Variants in GRK3 observed in about 807,000 individuals in gnomAD.
The protein encoded by GRK3 is G protein-coupled receptor kinase 3.
In GRK3, 54 loss-of-function variants were observed where a neutral mutation model predicts 95.7. That is an observed-to-expected ratio of 0.56 (90% CI 0.45 to 0.71). The LOEUF (loss-of-function observed/expected upper bound fraction) is 0.71. GRK3 is among the 30% of genes least tolerant of loss of function. The pLI is 0.00. For missense variants in GRK3, 649 were observed against 851.2 expected (o/e 0.76, Z 2.96); for synonymous variants, 281 against 290.8 (o/e 0.97, Z 0.34).
chr22:25,597,554 T>C (rs1365524786), intron 1 of GRK3, among the ~76,000 whole-genome samples: 1 of 152,102 alleles, frequency 6.6e-6, no homozygotes, highest in Non-Finnish European at 1.5e-5. Context: ...GTGCGCCCCA[T>C]GAATATGTAC....
At chr22:25,581,993 T>TGTTTCA (rs1183715556) in intron 1 of GRK3, among the ~76,000 whole-genome samples, 1 of 152,144 alleles carries the variant, frequency 6.6e-6, no homozygotes, top group Non-Finnish European at 1.5e-5. Flanking sequence ...AATAAATAAG[T>TGTTTCA]GTTTCATGGC....
At chr22:25,620,940 G>T (rs2084580690) in intron 2 of GRK3, among the ~76,000 whole-genome samples, 1 of 152,148 alleles carries the variant, frequency 6.6e-6, no homozygotes, top group African/African-American at 2.4e-5. Flanking sequence ...TATTAAAGAG[G>T]GATTGTAGCC....
intron 2 of GRK3, among the ~76,000 whole-genome samples, chr22:25,621,497 AG>A (rs1237040256): frequency 6.6e-6 from 1 of 152,138 alleles, no homozygotes; most frequent in African/African-American, 2.4e-5. Flanking sequence ...GTAGGCAAAA[AG>A]CTTAAAAACA....
intron 1 of GRK3, among the ~76,000 whole-genome samples, chr22:25,571,774 A>G (rs1931707167): frequency 6.6e-6 from 1 of 152,134 alleles, no homozygotes; most frequent in Non-Finnish European, 1.5e-5. Flanking sequence ...TTGATTGCCC[A>G]GATTTCTCAG....
chr22:25,629,655 A>G (rs941951567), intron 2 of GRK3, among the ~76,000 whole-genome samples: 1 of 152,216 alleles, frequency 6.6e-6, no homozygotes, highest in Non-Finnish European at 1.5e-5. Context: ...GTGCATTTGC[A>G]TGGTAGAGGT....
chr22:25,566,120 T>C (rs1931470849), intron 1 of GRK3, among the ~76,000 whole-genome samples: 1 of 152,222 alleles, frequency 6.6e-6, no homozygotes, highest in African/African-American at 2.4e-5. Flanking sequence ...AAGGCTTCAG[T>C]GATGGATTTT....
chr22:25,688,100 G>T (rs774864053), intron 11 of GRK3, among the ~76,000 whole-genome samples: 12 of 152,036 alleles, frequency 7.9e-5, no homozygotes, highest in Non-Finnish European at 1.6e-4. Flanking sequence ...GCCGGGCGTG[G>T]TGGCAGGTGC....
At chr22:25,566,587 A>G (rs2146306784) in intron 1 of GRK3, among the ~76,000 whole-genome samples, 1 of 152,340 alleles carries the variant, frequency 6.6e-6, no homozygotes, top group African/African-American at 2.4e-5. Flanking sequence ...AAATGAGGGA[A>G]AAGTGCAAAC....
intron 9 of GRK3, among the ~76,000 whole-genome samples, chr22:25,679,606 T>A (rs950886358): frequency 1.3e-5 from 2 of 152,244 alleles, no homozygotes; most frequent in African/African-American, 4.8e-5. Flanking sequence ...AGCTTTTATG[T>A]GTCTGTACAG....
chr22:25,681,434 C>T (rs899478494), intron 9 of GRK3, among the ~76,000 whole-genome samples: 5 of 151,298 alleles, frequency 3.3e-5, no homozygotes, highest in African/African-American at 7.3e-5. Context: ...AGCCAGTGCA[C>T]GTGGCTCCTC....
intron 19 of GRK3, among the ~76,000 whole-genome samples, chr22:25,719,171 A>G (rs925611163): frequency 3.3e-5 from 5 of 151,494 alleles, no homozygotes; most frequent in African/African-American, 7.3e-5. Flanking sequence ...TAATTTTTGC[A>G]TGTTTATCTG....
chr22:25,694,818 C>T (rs2085194041), intron 12 of GRK3, among the ~76,000 whole-genome samples: 1 of 152,228 alleles, frequency 6.6e-6, no homozygotes, highest in South Asian at 2.1e-4. Flanking sequence ...GGCAGGAGAA[C>T]CTTTGCTCTT....
intron 5 of GRK3, among the ~76,000 whole-genome samples, chr22:25,667,338 G>A (rs1376438433): frequency 6.6e-6 from 1 of 152,184 alleles, no homozygotes; most frequent in Non-Finnish European, 1.5e-5. Context: ...CCAGTGCAAC[G>A]TGAAAACGCA....
At chr22:25,581,675 A>AT (rs1340769212) in intron 1 of GRK3, among the ~76,000 whole-genome samples, 1 of 152,210 alleles carries the variant, frequency 6.6e-6, no homozygotes, top group African/African-American at 2.4e-5. Flanking sequence ...AGGCTATTGA[A>AT]AGGAGAAAGC....
At chr22:25,633,722 A>T (rs529953876) in intron 2 of GRK3, among the ~76,000 whole-genome samples, 1 of 152,248 alleles carries the variant, frequency 6.6e-6, no homozygotes, top group South Asian at 2.1e-4. Flanking sequence ...TGATTCCATT[A>T]TCTCTTGGCA....
At chr22:25,582,714 C>T (rs948929677) in intron 1 of GRK3, among the ~76,000 whole-genome samples, 4 of 152,056 alleles carry the variant, frequency 2.6e-5, no homozygotes, top group Admixed American at 1.3e-4. Flanking sequence ...GGTGGCATTT[C>T]GAGTGGAGGA....
At chr22:25,697,455 C>T (rs541159022) in intron 13 of GRK3, among the ~76,000 whole-genome samples, 18 of 152,252 alleles carry the variant, frequency 1.2e-4, no homozygotes, top group South Asian at 4.2e-4. Flanking sequence ...GGGCTCCTGC[C>T]GAAAAGAGTC....
intron 3 of GRK3, among the ~76,000 whole-genome samples, chr22:25,661,211 A>G (rs1569183546): frequency 6.6e-6 from 1 of 152,218 alleles, no homozygotes; most frequent in Non-Finnish European, 1.5e-5. Context: ...CTAGAACTGA[A>G]TTACAGCCAA....
intron 8 of GRK3, among the ~76,000 whole-genome samples, chr22:25,678,383 A>G (rs547784562): frequency 6.6e-6 from 1 of 152,280 alleles, no homozygotes; most frequent in South Asian, 2.1e-4. Context: ...TGAACCCGGA[A>G]GGTGGAGCTT....
Sources: allele counts gnomAD v4.1 joint callset (sites outside exome capture counted in the v4.1 genomes callset), GRCh38; gene constraint gnomAD v4.1.1; transcripts MANE v1.5; gene names NCBI Gene and HGNC (gene_info 2026-07-23, HGNC 2026-07-21).